The following GPR39 variants were observed in gnomAD, a reference collection of about 807,000 sequenced individuals.
GPR39 encodes G protein-coupled receptor 39, also known as zinc sensing receptor.
Under a neutral mutation model 18.4 loss-of-function variants are expected in GPR39, and 23 were observed. The ratio of observed to expected loss-of-function variants is 1.25; its 90% CI spans 0.90 to 1.77. The LOEUF is 1.77. Among genes scored for constraint, GPR39 ranks in the 40% most tolerant of loss-of-function variants. GPR39 has a pLI of 0.00. For missense variants in GPR39, 647 were observed against 602.4 expected, an observed-to-expected ratio of 1.07 and a Z score of -0.78; for synonymous variants, 280 against 257.9, an observed-to-expected ratio of 1.09 and a Z score of -0.82.
At chr2:132,436,069 T>C (rs527877657) in intron 1 of GPR39, among the ~76,000 whole-genome samples, 1 of 152,220 alleles carries the variant, frequency 6.6e-6, no homozygotes, top group South Asian at 2.1e-4. Context: ...GAAAGAGAGC[T>C]TTAGGCCCTG....
At chr2:132,482,485 A>G (rs1681253326) in intron 1 of GPR39, among the ~76,000 whole-genome samples, 1 of 152,188 alleles carries the variant, frequency 6.6e-6, no homozygotes, top group African/African-American at 2.4e-5. Context: ...GCACAGGTAC[A>G]TGGTGGCTAC....
At chr2:132,618,575 G>T (rs1056228901) in intron 1 of GPR39, among the ~76,000 whole-genome samples, 5 of 152,120 alleles carry the variant, frequency 3.3e-5, no homozygotes, top group African/African-American at 1.2e-4. Context: ...TTATGTGGGT[G>T]CCAAGGAGCC....
At chr2:132,540,889 T>G in intron 1 of GPR39, among the ~76,000 whole-genome samples, 1 of 151,922 alleles carries the variant, frequency 6.6e-6, no homozygotes, top group East Asian at 1.9e-4. Context: ...AGAATCTCTG[T>G]AAAACCTGGG....
chr2:132,455,677 T>C (rs1376298111), intron 1 of GPR39, among the ~76,000 whole-genome samples: 2 of 152,230 alleles, frequency 1.3e-5, no homozygotes, highest in Non-Finnish European at 1.5e-5. Context: ...TCTGGTATGT[T>C]GTGTCTTTGT....
chr2:132,557,592 TGAGAGA>T (rs57544662), intron 1 of GPR39, among the ~76,000 whole-genome samples: 63 of 148,164 alleles, frequency 4.3e-4, no homozygotes, highest in East Asian at 1.8e-3. Flanking sequence ...AAAGAAAGGA[TGAGAGA>T]GAGAGAGAGA....
At chr2:132,636,203 C>G (rs1257633065) in intron 1 of GPR39, among the ~76,000 whole-genome samples, 1 of 152,190 alleles carries the variant, frequency 6.6e-6, no homozygotes, top group Non-Finnish European at 1.5e-5. Flanking sequence ...TCAATATTAT[C>G]TCCTAGCTCA....
chr2:132,482,542 GA>G (rs1681254976), intron 1 of GPR39, among the ~76,000 whole-genome samples: 1 of 152,158 alleles, frequency 6.6e-6, no homozygotes, highest in African/African-American at 2.4e-5. Context: ...GCAAGTGGAC[GA>G]GCAGTTCAGA....
At position 132,492,545 on chromosome 2, in the gene GPR39, TATATACACCATATATACG is replaced by T. The variant is rs1681500670; in HGVS notation, c.856+74653_856+74670del. Among the ~76,000 whole-genome samples, 3 of 142,756 alleles carry T rather than the reference TATATACACCATATATACG, an allele frequency of 2.1e-5. No individual in the cohort carries two copies. The South Asian group carries it at 6.9e-4, about 33-fold the overall frequency. 93.7% of individuals were successfully genotyped at this position (142,756 alleles called of 152,430 possible). A position where few individuals can be genotyped will look rare whatever the true frequency, so the allele number is the denominator to read the frequency against. ...ATATACACCATATATATACACCATA[TATATACACCATATATACG>T]ATATATACCATATATATACACACCA... On this transcript the variant is annotated intron_variant, in intron 1 of 1. Coordinates refer to ENST00000329321, the MANE Select transcript of GPR39 (RefSeq NM_001508.3).
chr2:132,585,082 T>G (rs1680700501), intron 1 of GPR39, among the ~76,000 whole-genome samples: 2 of 152,188 alleles, frequency 1.3e-5, no homozygotes, highest in African/African-American at 4.8e-5. Flanking sequence ...TGACATTCTT[T>G]ACGTGGGAGC....
At chr2:132,573,000 G>A (rs1680467080) in intron 1 of GPR39, among the ~76,000 whole-genome samples, 1 of 152,146 alleles carries the variant, frequency 6.6e-6, no homozygotes, top group African/African-American at 2.4e-5. Context: ...ATGCTGACCA[G>A]GCACACATGG....
At chr2:132,518,011 A>T (rs1371535680) in intron 1 of GPR39, among the ~76,000 whole-genome samples, 2 of 152,176 alleles carry the variant, frequency 1.3e-5, no homozygotes, top group Non-Finnish European at 2.9e-5. Flanking sequence ...CTATAAATGT[A>T]TTGGCATAAC....
chr2:132,560,414 C>A (rs1013770079), intron 1 of GPR39, among the ~76,000 whole-genome samples: 3 of 152,200 alleles, frequency 2.0e-5, no homozygotes, highest in African/African-American at 7.2e-5. Context: ...CAGTCTCTCC[C>A]CATCCTCACA....
chr2:132,537,001 G>A (rs781003114), intron 1 of GPR39, among the ~76,000 whole-genome samples: 8 of 152,078 alleles, frequency 5.3e-5, no homozygotes, highest in South Asian at 4.1e-4. Context: ...GTGCACACCC[G>A]TGGGTCTTGA....
chr2:132,514,827 T>A (rs930824835), intron 1 of GPR39, among the ~76,000 whole-genome samples: 3 of 152,246 alleles, frequency 2.0e-5, no homozygotes, highest in African/African-American at 4.8e-5. Context: ...TTAAAAAGCC[T>A]ATTTTGGTAA....
At chr2:132,616,067 C>T (rs56142482) in intron 1 of GPR39, among the ~76,000 whole-genome samples, 20,267 of 151,996 alleles carry the variant, frequency 0.13, 1,612 homozygotes, top group Middle Eastern at 0.22. Context: ...CTGTCATCTT[C>T]CTACTGAACC....
intron 1 of GPR39, among the ~76,000 whole-genome samples, chr2:132,618,916 T>C (rs1321776319): frequency 6.6e-6 from 1 of 152,190 alleles, no homozygotes; most frequent in Non-Finnish European, 1.5e-5. Context: ...TGAAGGGCCT[T>C]GCCCTTTTGT....
chr2:132,492,614 C>CTATATATAA (rs1681503834), intron 1 of GPR39, among the ~76,000 whole-genome samples: 1 of 77,526 alleles, frequency 1.3e-5, no homozygotes, highest in African/African-American at 3.6e-5. Context: ...TACACACCAT[C>CTATATATAA]TATATATACA....
chr2:132,645,633 G>C lies in GPR39; in HGVS notation c.*27G>C. The C allele has an allele frequency of 6.3e-7, 1 of 1,591,588 alleles. No individual in the cohort carries two copies. The highest frequency in any genetic ancestry group is 1.7e-4 in the Middle Eastern group (1 of 5,856). On this transcript the variant is annotated 3_prime_UTR_variant, in exon 2 of 2. Transcript: ENST00000329321. ...TGTCAAGCGAGGGAGCCTTGAGTGG[G>C]AACTGGCCCTCCAGCCCTAAGAAAA...
chr2:132,486,705 T>C (rs1235048138), intron 1 of GPR39, among the ~76,000 whole-genome samples: 2 of 152,236 alleles, frequency 1.3e-5, no homozygotes. Flanking sequence ...AGAGTCTTGC[T>C]CTGGATTAGG....
Sources: gnomAD v4.1 joint callset for allele counts (sites outside exome capture counted in the v4.1 genomes callset) on GRCh38, gnomAD v4.1.1 for gene constraint, MANE v1.5 for transcripts, NCBI Gene and HGNC (gene_info 2026-07-23, HGNC 2026-07-21) for gene names.